Variants in HPSE2 observed in about 807,000 individuals in gnomAD.
HPSE2 encodes inactive heparanase-2.
HPSE2 carries 38 observed loss-of-function variants against 60.5 expected under a neutral mutation model. The observed-to-expected ratio is 0.63, with a 90% CI of 0.48 to 0.82. HPSE2 has a LOEUF of 0.82. Among genes scored for constraint, HPSE2 ranks in the 40% least tolerant of loss-of-function variants. HPSE2 has a pLI of 0.00. For missense variants in HPSE2, 713 were observed against 740.4 expected (o/e 0.96, Z 0.43); for synonymous variants, 295 against 293.2 (o/e 1.01, Z -0.06).
intron 9 of HPSE2, among the ~76,000 whole-genome samples, chr10:98,551,262 C>G (rs1280073694): frequency 6.6e-6 from 1 of 152,082 alleles, no homozygotes; most frequent in Non-Finnish European, 1.5e-5. Flanking sequence ...GAAGATCATA[C>G]TGACAGCGCT....
At chr10:99,047,651 G>C in intron 3 of HPSE2, 1 of 741,510 alleles carries the variant, frequency 1.3e-6, no homozygotes, top group Non-Finnish European at 2.4e-6. Flanking sequence ...GGATGGTGTA[G>C]AAGAGAAGAA....
chr10:98,726,923 A>G (rs1485195675), intron 4 of HPSE2, among the ~76,000 whole-genome samples: 1 of 152,098 alleles, frequency 6.6e-6, no homozygotes, highest in Non-Finnish European at 1.5e-5. Flanking sequence ...CTAAATTTTT[A>G]ATGTGTTTCC....
At chr10:98,989,949 T>C (rs148883590) in intron 3 of HPSE2, among the ~76,000 whole-genome samples, 1 of 152,330 alleles carries the variant, frequency 6.6e-6, no homozygotes, top group East Asian at 1.9e-4. Flanking sequence ...GTTTGTTTTT[T>C]ACTCATTTTG....
chr10:98,880,827 A>G (rs999659271), intron 3 of HPSE2, among the ~76,000 whole-genome samples: 8 of 152,054 alleles, frequency 5.3e-5, no homozygotes, highest in African/African-American at 1.9e-4. Flanking sequence ...AAAACAAAGA[A>G]GCAAAATCAA....
At chr10:99,061,125 C>T (rs1958233758) in intron 3 of HPSE2, among the ~76,000 whole-genome samples, 1 of 151,874 alleles carries the variant, frequency 6.6e-6, no homozygotes, top group South Asian at 2.1e-4. Flanking sequence ...GATAATTAAT[C>T]CAGGAATCCA....
At chr10:98,578,405 C>T (rs201508052) in intron 9 of HPSE2, among the ~76,000 whole-genome samples, 1 of 152,150 alleles carries the variant, frequency 6.6e-6, no homozygotes, top group Non-Finnish European at 1.5e-5. Context: ...CAGTCTAAAT[C>T]GAATGCTTCA....
chr10:98,688,791 T>C (rs1947996428), intron 6 of HPSE2, among the ~76,000 whole-genome samples: 1 of 152,024 alleles, frequency 6.6e-6, no homozygotes, highest in African/African-American at 2.4e-5. Context: ...TAGTATTTCT[T>C]GCGACACAGA....
intron 9 of HPSE2, among the ~76,000 whole-genome samples, chr10:98,541,069 A>G (rs1457971614): frequency 1.3e-5 from 2 of 152,218 alleles, no homozygotes; most frequent in African/African-American, 4.8e-5. Context: ...AACAGATTTT[A>G]ATGTAATAAT....
Position 98,978,585 on chromosome 10 carries a change from A to G in HPSE2, c.610+165653T>C, listed in dbSNP as rs554812437. On this transcript the variant is annotated intron_variant, in intron 3 of 11. Transcript: ENST00000370552. ...AAAATAATTACTTACTTCAGCTTCT[A>G]TATGGCTAATAGTAACCTGATAATA... 2.0e-5 allele frequency among the ~76,000 whole-genome samples: 3 copies of G among 152,302 alleles called. No individual in the cohort carries two copies. The South Asian group carries it at 6.2e-4, about 32-fold the overall frequency.
At chr10:98,549,892 G>A (rs1943808906) in intron 9 of HPSE2, among the ~76,000 whole-genome samples, 1 of 152,050 alleles carries the variant, frequency 6.6e-6, no homozygotes, top group Non-Finnish European at 1.5e-5. Context: ...CTATTCCTGA[G>A]CAATATCATC....
intron 3 of HPSE2, among the ~76,000 whole-genome samples, chr10:99,016,155 G>C (rs759381582): frequency 1.3e-5 from 2 of 152,098 alleles, no homozygotes; most frequent in Non-Finnish European, 2.9e-5. Context: ...GCCTTCCAGG[G>C]ATTTTAAAGT....
intron 3 of HPSE2, among the ~76,000 whole-genome samples, chr10:98,852,535 C>G (rs2134740806): frequency 6.6e-6 from 1 of 152,292 alleles, no homozygotes; most frequent in East Asian, 1.9e-4. Context: ...GAACCCTGCC[C>G]CATACTCAAG....
intron 9 of HPSE2, among the ~76,000 whole-genome samples, chr10:98,536,663 A>T (rs1384776992): frequency 2.0e-5 from 3 of 152,186 alleles, no homozygotes; most frequent in Non-Finnish European, 4.4e-5. Flanking sequence ...GAATTAGCTC[A>T]TTGCCAGGGA....
chr10:98,963,728 G>T (rs1260874080), intron 3 of HPSE2, among the ~76,000 whole-genome samples: 1 of 152,102 alleles, frequency 6.6e-6, no homozygotes, highest in Non-Finnish European at 1.5e-5. Context: ...AAACAGTTTT[G>T]AAAAGGTGCA....
At chr10:99,000,388 T>A (rs1589494101) in intron 3 of HPSE2, among the ~76,000 whole-genome samples, 1 of 151,966 alleles carries the variant, frequency 6.6e-6, no homozygotes, top group Admixed American at 6.6e-5. Flanking sequence ...AAGAGAAAGA[T>A]CAGGCTGGAA....
At chr10:98,646,982 C>A (rs1368923867) in intron 6 of HPSE2, among the ~76,000 whole-genome samples, 1 of 152,118 alleles carries the variant, frequency 6.6e-6, no homozygotes, top group Non-Finnish European at 1.5e-5. Flanking sequence ...TTTAATAAAC[C>A]TGTACTCCAG....
chr10:98,989,190 T>C (rs1280131847), intron 3 of HPSE2, among the ~76,000 whole-genome samples: 1 of 152,164 alleles, frequency 6.6e-6, no homozygotes, highest in Non-Finnish European at 1.5e-5. Flanking sequence ...TAAAGACACA[T>C]GCACACGTAT....
chr10:98,514,180 G>A (rs1942513549), intron 9 of HPSE2, among the ~76,000 whole-genome samples: 1 of 152,154 alleles, frequency 6.6e-6, no homozygotes, highest in South Asian at 2.1e-4. Flanking sequence ...GACACAAAAG[G>A]ACAAATGTTG....
intron 9 of HPSE2, among the ~76,000 whole-genome samples, chr10:98,514,221 T>G (rs1322763331): frequency 6.6e-6 from 1 of 152,044 alleles, no homozygotes; most frequent in Admixed American, 6.6e-5. Context: ...TGATCTAGAA[T>G]AGGTAAATTC....
Sources: allele counts gnomAD v4.1 joint callset (sites outside exome capture counted in the v4.1 genomes callset), GRCh38; gene constraint gnomAD v4.1.1; transcripts MANE v1.5; gene names NCBI Gene and HGNC (gene_info 2026-07-23, HGNC 2026-07-21).